The following LRRC43 variants were observed in gnomAD, a reference collection of about 807,000 sequenced individuals.
LRRC43 encodes leucine rich repeat containing 43, also known as leucine-rich repeat-containing protein 43.
A neutral mutation model predicts 64.3 loss-of-function variants in LRRC43; 62 were observed. The ratio of observed to expected loss-of-function variants is 0.96; its 90% CI spans 0.79 to 1.19. LRRC43 has a LOEUF of 1.19. Among genes scored for constraint, LRRC43 ranks in the 50% most tolerant of loss-of-function variants. LRRC43 has a pLI of 0.00. For missense variants in LRRC43, 868 were observed against 845.0 expected (o/e 1.03, Z -0.34); for synonymous variants, 422 against 382.3 (o/e 1.10, Z -1.21).
In LRRC43 at chr12:122,184,251, C is replaced by T. The variant is rs1030188951; in HGVS notation, c.151-268C>T. Among the ~76,000 whole-genome samples, 4 of 151,970 alleles carry T rather than the reference C, an allele frequency of 2.6e-5. No individual in the cohort carries two copies. The highest frequency in any genetic ancestry group is 6.6e-5 in the Admixed American group (1 of 15,252). ...CTGAGACTACAGTTGCGTGCCACCA[C>T]GCCCGGCTAATTTTTTGTATTTTTA... On this transcript the variant is annotated intron_variant, in intron 1 of 11. Coordinates refer to ENST00000339777, the MANE Select transcript of LRRC43 (RefSeq NM_001098519.2). The surrounding 1 kb of genome is among the most constrained non-coding windows in gnomAD (Gnocchi z 4.0).
Position 122,183,158 on chromosome 12 carries a change from A to G in LRRC43, c.14A>G (p.Tyr5Cys), listed in dbSNP as rs1953598545. MEASYESESESESEA... is the reference protein window; with the variant it reads MEASCESESESESEA... ...GCGGCCCGGGCCATGGAGGCGTCGT[A>G]CGAGTCCGAGTCCGAGTCCGAGTCT... Residue 5 changes from tyrosine to cysteine, a missense_variant, in exon 1 of 12, where the codon TAC becomes TGC. Transcript: ENST00000339777. 1 of 1,548,658 alleles carries G rather than the reference A, an allele frequency of 6.5e-7. No homozygotes were observed. Among genetic ancestry groups the G allele is most frequent in the Non-Finnish European group, 8.7e-7 (1 of 1,153,990 alleles).
At position 122,184,649 on chromosome 12, in the gene LRRC43, C is replaced by G. The variant is rs1288611912; in HGVS notation, c.281C>G (p.Pro94Arg). 4 of 1,613,998 alleles carry G rather than the reference C, an allele frequency of 2.5e-6. No individual in the cohort carries two copies. The Admixed American group carries it at 5.0e-5, about 20-fold the overall frequency. ...GGCCTGGTCCGCAGCCGCCACTCCC[C>G]CTGGGCTCTGCTGAACAACTCGAAT... is the stretch of plus-strand genomic sequence containing the variant. ...LLGLVRSRHS[P>R]WALLNNSNAE... The change falls in exon 2 of 12, where the codon CCC (proline) becomes CGC (arginine). Residue 94 changes from proline (P) to arginine (R), a missense_variant. Physicochemically the swap from Pro to Arg is moderately radical, Grantham distance 103. Transcript: ENST00000339777. The surrounding 1 kb of genome is among the most constrained non-coding windows in gnomAD (Gnocchi z 4.0).
chr12:122,201,285 CTT>C lies in LRRC43; in HGVS notation c.1810-9_1810-8del. The C allele has an allele frequency of 1.9e-6, 3 of 1,613,978 alleles. No individual in the cohort carries two copies. The highest frequency in any genetic ancestry group is 2.5e-6 in the Non-Finnish European group (3 of 1,179,868). ...CCAGTAAGCATCTCGTTTTGTGGTT[CTT>C]TCTCTCAGGATTCAAAGAAGATTAA... On this transcript the variant is annotated splice_polypyrimidine_tract_variant and intron_variant, in intron 10 of 11. Transcript: ENST00000339777.
chr12:122,184,473 G>C lies in LRRC43; in HGVS notation c.151-46G>C. 1.3e-6 allele frequency: 2 copies of C among 1,598,496 alleles called. No homozygotes were observed. Among genetic ancestry groups the C allele is most frequent in the South Asian group, 2.3e-5 (2 of 88,820 alleles). ...TGTTTTGAGAGTTTGGTGTCCTTAA[G>C]GGGGCTGTGTCACACCTACAGAAAA... On this transcript the variant is annotated intron_variant, in intron 1 of 11. Transcript: ENST00000339777. This position sits in a 1 kb window ranked among gnomAD's most constrained non-coding sequence, Gnocchi z 4.0.
chr12:122,187,727 C>A lies in LRRC43; in HGVS notation c.549C>A (p.Ile183=), dbSNP rs754766273. 1.2e-6 allele frequency: 2 copies of A among 1,613,926 alleles called. No individual in the cohort carries two copies. The highest frequency in any genetic ancestry group is 2.2e-5 in the South Asian group (2 of 91,084). ...TGCTGGAGCTCTACGGCAATGAGAT[C>A]AGCAGCATGGAGTGTCTGTGTGCCC... The part of the protein sequence containing the change: ...LKVLELYGNE[I]SSMECLCAHP... Residue 183 remains isoleucine (I), a synonymous_variant, in exon 4 of 12, where the codon ATC becomes ATA. Coordinates refer to ENST00000339777, the MANE Select transcript of LRRC43 (RefSeq NM_001098519.2).
chr12:122,195,292 A>G (rs1953763895), intron 7 of LRRC43, among the ~76,000 whole-genome samples: 1 of 150,894 alleles, frequency 6.6e-6, no homozygotes, highest in Admixed American at 6.6e-5. Context: ...CCTGTTGCCC[A>G]GGGTGGAGTG....
At chr12:122,187,905 C>G in intron 4 of LRRC43, 65 bp downstream of exon 4, 2 of 1,547,324 alleles carry the variant, frequency 1.3e-6, no homozygotes, top group South Asian at 2.2e-5. Flanking sequence ...GGCGATTCTA[C>G]CCCAGTGGCT....
At chr12:122,201,713 C>G (rs529393883) in intron 11 of LRRC43, among the ~76,000 whole-genome samples, 104 of 152,244 alleles carry the variant, frequency 6.8e-4, no homozygotes, top group Middle Eastern at 3.4e-3. Context: ...GGGTGCGTCT[C>G]AGGTTTGAGG....
rs746752047 is a variant in LRRC43 at position 122,200,483 on chromosome 12, G to A, written c.1492-49G>A. ...AAGGGTGAGGGAGAGGTGACCCCAG[G>A]CAGCCCGCCTGGGCCTCTGCTCACT... On this transcript the variant is annotated intron_variant, in intron 8 of 11. Transcript: ENST00000339777. This position sits in a 1 kb window ranked among gnomAD's most constrained non-coding sequence, Gnocchi z 4.6. 6.2e-7 allele frequency: 1 copy of A among 1,613,538 alleles called. No individual in the cohort carries two copies. The highest frequency in any genetic ancestry group is 8.5e-7 in the Non-Finnish European group (1 of 1,179,698).
At chr12:122,201,693 C>A (rs1953840607) in intron 11 of LRRC43, among the ~76,000 whole-genome samples, 1 of 152,138 alleles carries the variant, frequency 6.6e-6, no homozygotes, top group Admixed American at 6.5e-5. Context: ...GCTGGAGAAG[C>A]ATCTGAAATG....
At chr12:122,171,834 G>T (rs1953487995) in intron 1 of LRRC43, among the ~76,000 whole-genome samples, 1 of 152,098 alleles carries the variant, frequency 6.6e-6, no homozygotes, top group African/African-American at 2.4e-5. Flanking sequence ...CTCCCAAAGT[G>T]CTGGGATTGC....
intron 1 of LRRC43, among the ~76,000 whole-genome samples, chr12:122,170,329 G>T (rs1216356232): frequency 1.3e-5 from 2 of 151,988 alleles, no homozygotes; most frequent in Non-Finnish European, 2.9e-5. Context: ...GGATATCTGG[G>T]GGCTTAAATG....
chr12:122,200,856 C>T lies in LRRC43; in HGVS notation c.1731C>T (p.Ala577=), dbSNP rs372034959. The T allele has an allele frequency of 8.9e-5, 144 of 1,612,956 alleles. 1 individual carries two copies. The highest frequency in any genetic ancestry group is 1.1e-4 in the Non-Finnish European group (135 of 1,179,926). ...RGLVILEPLL[A]GEPLVSTVCN... Reference sequence around the variant, plus strand: ...TGGTGATCCTGGAGCCCCTGCTCGCCGGGGAGCCCCTGGTGTCCACCGTGT... The same window carrying T: ...TGGTGATCCTGGAGCCCCTGCTCGCTGGGGAGCCCCTGGTGTCCACCGTGT... Residue 577 remains alanine (A), a synonymous_variant, in exon 10 of 12, where the codon GCC becomes GCT. Coordinates refer to ENST00000339777, the MANE Select transcript of LRRC43 (RefSeq NM_001098519.2). The surrounding 1 kb of genome is among the most constrained non-coding windows in gnomAD (Gnocchi z 4.6).
At chr12:122,193,250 A>T (rs12582173) in intron 7 of LRRC43, among the ~76,000 whole-genome samples, 19 of 151,626 alleles carry the variant, frequency 1.3e-4, no homozygotes, top group African/African-American at 4.4e-4. Context: ...GCGTGGTGGC[A>T]GGCGCCTGTA....
chr12:122,184,849 C>T lies in LRRC43; in HGVS notation c.411+70C>T. On this transcript the variant is annotated intron_variant, in intron 2 of 11. Coordinates refer to ENST00000339777, the MANE Select transcript of LRRC43 (RefSeq NM_001098519.2). This position sits in a 1 kb window ranked among gnomAD's most constrained non-coding sequence, Gnocchi z 4.0. ...CCTAAGGGAGGTTGTGGGGAGGGCACCCTTCCCCACAGCGCGTCAGGGATC... is the reference window on the plus strand; with the variant it reads ...CCTAAGGGAGGTTGTGGGGAGGGCATCCTTCCCCACAGCGCGTCAGGGATC... 1 of 1,489,508 alleles carries T rather than the reference C, an allele frequency of 6.7e-7. No homozygotes were observed. The highest frequency in any genetic ancestry group is 9.1e-7 in the Non-Finnish European group (1 of 1,095,278). 92.3% of individuals were successfully genotyped at this position (1,489,508 alleles called of 1,614,324 possible).
In LRRC43 at chr12:122,184,791, G is replaced by A; in HGVS notation, c.411+12G>A. The A allele has an allele frequency of 1.3e-6, 2 of 1,585,756 alleles. No individual in the cohort carries two copies. Among genetic ancestry groups the A allele is most frequent in the South Asian group, 1.1e-5 (1 of 87,348 alleles). On this transcript the variant is annotated intron_variant, in intron 2 of 11. Transcript: ENST00000339777. This position sits in a 1 kb window ranked among gnomAD's most constrained non-coding sequence, Gnocchi z 4.0. Reference sequence around the variant, plus strand: ...TAATAGACAAGAAGGTCAGTGCTGGGCACGTGGTAGGTGATGTTAGGGTGG... The same window carrying A: ...TAATAGACAAGAAGGTCAGTGCTGGACACGTGGTAGGTGATGTTAGGGTGG...
intron 1 of LRRC43, among the ~76,000 whole-genome samples, chr12:122,173,310 G>T (rs1424873995): frequency 6.6e-6 from 1 of 152,226 alleles, no homozygotes; most frequent in African/African-American, 2.4e-5. Flanking sequence ...CCAAGGCTAA[G>T]GTCTAAATAC....
chr12:122,168,371 G>C (rs1050035552), intron 1 of LRRC43, among the ~76,000 whole-genome samples: 2 of 151,506 alleles, frequency 1.3e-5, no homozygotes, highest in Admixed American at 1.3e-4. Flanking sequence ...AACCTGGGAC[G>C]TGGAGATTGT....
chr12:122,170,504 G>A (rs1052654851), intron 1 of LRRC43, among the ~76,000 whole-genome samples: 3 of 152,076 alleles, frequency 2.0e-5, no homozygotes, highest in South Asian at 2.1e-4. Context: ...GGTGGCGGGC[G>A]CCTGTAGTCC....
Sources: gnomAD v4.1 joint callset for allele counts (sites outside exome capture counted in the v4.1 genomes callset) on GRCh38, gnomAD v4.1.1 for gene constraint, Gnocchi (gnomAD v3.1) non-coding constraint, MANE v1.5 for transcripts, NCBI Gene and HGNC (gene_info 2026-07-23, HGNC 2026-07-21) for gene names.